Variants in CHN1 observed in about 807,000 individuals in gnomAD.
The protein encoded by CHN1 is N-chimaerin.
Under a neutral mutation model 59.5 loss-of-function variants are expected in CHN1, and 37 were observed. The observed-to-expected ratio is 0.62, with a 90% CI of 0.48 to 0.82. The LOEUF is 0.82. Ranked by LOEUF, CHN1 falls within the 40% of genes least tolerant of loss-of-function variation. The probability of loss-of-function intolerance (pLI) is 0.00; values close to 1 mark genes in which losing one functional copy is unlikely to be tolerated. For missense variants in CHN1, 469 were observed against 571.0 expected (o/e 0.82, Z 1.82); for synonymous variants, 206 against 200.4 (o/e 1.03, Z -0.24).
At chr2:174,901,249 T>C (rs944283052) in intron 5 of CHN1, among the ~76,000 whole-genome samples, 2 of 152,204 alleles carry the variant, frequency 1.3e-5, no homozygotes, top group Non-Finnish European at 2.9e-5. Context: ...CTCACTGTGC[T>C]CCCGGCCACC....
chr2:174,880,959 T>C (rs931719562), intron 5 of CHN1, among the ~76,000 whole-genome samples: 1 of 151,712 alleles, frequency 6.6e-6, no homozygotes, highest in Non-Finnish European at 1.5e-5. Context: ...GGCAGGAGAA[T>C]TGCTTGAATC....
At chr2:174,835,475 C>T in intron 7 of CHN1, among the ~76,000 whole-genome samples, 1 of 151,924 alleles carries the variant, frequency 6.6e-6, no homozygotes, top group East Asian at 1.9e-4. Context: ...AATAATTGCT[C>T]TGTCTCCTGG....
chr2:174,877,237 T>C (rs1447566691), intron 6 of CHN1, among the ~76,000 whole-genome samples: 1 of 152,116 alleles, frequency 6.6e-6, no homozygotes, highest in African/African-American at 2.4e-5. Flanking sequence ...AAAACTTAAA[T>C]TGTCTTTTAG....
intron 3 of CHN1, chr2:174,921,041 TG>T (rs1165698287): frequency 2.5e-6 from 1 of 407,128 alleles, no homozygotes; most frequent in Admixed American, 2.4e-5. Context: ...ATATGGCCGC[TG>T]ATCTGAGAGG....
intron 1 of CHN1, among the ~76,000 whole-genome samples, chr2:174,995,337 T>C (rs1210483065): frequency 6.6e-6 from 1 of 152,224 alleles, no homozygotes; most frequent in Non-Finnish European, 1.5e-5. Flanking sequence ...TTAAGTTGCA[T>C]GCTATTCTGA....
intron 1 of CHN1, among the ~76,000 whole-genome samples, chr2:174,954,385 C>A (rs1690121784): frequency 6.6e-6 from 1 of 152,074 alleles, no homozygotes; most frequent in Middle Eastern, 3.2e-3. Flanking sequence ...CTGGCTTAGG[C>A]AAAGACTTCA....
At chr2:174,974,466 A>G (rs2105441784) in intron 1 of CHN1, among the ~76,000 whole-genome samples, 1 of 152,290 alleles carries the variant, frequency 6.6e-6, no homozygotes, top group Admixed American at 6.5e-5. Context: ...CAGCAATGAA[A>G]AAACATTTTC....
chr2:174,938,389 T>C (rs923213834), intron 3 of CHN1, among the ~76,000 whole-genome samples: 3 of 152,212 alleles, frequency 2.0e-5, no homozygotes, highest in Non-Finnish European at 4.4e-5. Context: ...ATACAGATAT[T>C]TAACTTAATA....
chr2:174,867,883 T>C (rs2105461214), intron 6 of CHN1, among the ~76,000 whole-genome samples: 1 of 152,302 alleles, frequency 6.6e-6, no homozygotes, highest in East Asian at 1.9e-4. Flanking sequence ...TAGTGTGACC[T>C]GGGTTAATTT....
chr2:174,801,907 A>G (rs1224384429), intron 11 of CHN1, 95 bp from the exon 12 acceptor site: 16 of 939,842 alleles, frequency 1.7e-5, no homozygotes, highest in Non-Finnish European at 2.7e-5. Flanking sequence ...ATGCTCTGAA[A>G]CTGGTAAGAA....
intron 1 of CHN1, among the ~76,000 whole-genome samples, chr2:174,977,525 C>G (rs1399295387): frequency 6.6e-6 from 1 of 152,126 alleles, no homozygotes; most frequent in Non-Finnish European, 1.5e-5. Flanking sequence ...GCCTTTATAC[C>G]TTGTTGAAGA....
At position 174,915,135 on chromosome 2, in the gene CHN1, C is replaced by T; in HGVS notation, c.183G>A (p.Gln61=). Residue 61 remains glutamine, a synonymous_variant, in exon 5 of 13, where the codon CAG becomes CAA. Coordinates refer to ENST00000409900, the MANE Select transcript of CHN1 (RefSeq NM_001822.7). The part of the protein sequence containing the change: ...HGMISREAAD[Q]LLIVAEGSYL... ...AGCTCCCCTCAGCCACAATCAAGAG[C>T]TGGTCGGCTGCTTCTCTGGAGATCA... The T allele has an allele frequency of 6.2e-7, 1 of 1,611,858 alleles. No individual in the cohort carries two copies. The highest frequency in any genetic ancestry group is 8.5e-7 in the Non-Finnish European group (1 of 1,179,044).
chr2:174,981,378 G>A (rs1233957748), intron 1 of CHN1, among the ~76,000 whole-genome samples: 1 of 152,168 alleles, frequency 6.6e-6, no homozygotes, highest in Non-Finnish European at 1.5e-5. Flanking sequence ...TATCATCACA[G>A]AACCATTATC....
chr2:174,974,283 G>A (rs918204905), intron 1 of CHN1, among the ~76,000 whole-genome samples: 1 of 152,118 alleles, frequency 6.6e-6, no homozygotes, highest in Admixed American at 6.5e-5. Context: ...TTTATGTCAC[G>A]CAGCTGTGAA....
At chr2:174,945,070 T>C in intron 2 of CHN1, 127 bp from the exon 3 acceptor site, 1 of 652,412 alleles carries the variant, frequency 1.5e-6, no homozygotes, top group Non-Finnish European at 2.7e-6. Context: ...TACTAAATTG[T>C]GTTATGAACA....
chr2:174,910,731 T>C (rs960890703), intron 5 of CHN1, among the ~76,000 whole-genome samples: 2 of 151,858 alleles, frequency 1.3e-5, no homozygotes, highest in Admixed American at 6.6e-5. Context: ...GTGGTGACAA[T>C]GAGAAAGTAG....
intron 1 of CHN1, among the ~76,000 whole-genome samples, chr2:174,976,293 A>C (rs1213025312): frequency 6.6e-6 from 1 of 151,956 alleles, no homozygotes; most frequent in African/African-American, 2.4e-5. Flanking sequence ...GCTGGAGTGC[A>C]GTGGCACGAT....
At chr2:174,808,726 T>C (rs1342908931) in intron 11 of CHN1, among the ~76,000 whole-genome samples, 179 bp downstream of exon 11, 1 of 152,246 alleles carries the variant, frequency 6.6e-6, no homozygotes, top group Non-Finnish European at 1.5e-5. Flanking sequence ...TCTGATGGTA[T>C]TAAGTCATAA....
At chr2:174,938,724 G>A (rs1268447311) in intron 3 of CHN1, among the ~76,000 whole-genome samples, 1 of 152,130 alleles carries the variant, frequency 6.6e-6, no homozygotes, top group African/African-American at 2.4e-5. Flanking sequence ...CAGACTATAA[G>A]TTGTGAATAA....
Sources: gnomAD v4.1 joint callset for allele counts (sites outside exome capture counted in the v4.1 genomes callset) on GRCh38, gnomAD v4.1.1 for gene constraint, MANE v1.5 for transcripts, NCBI Gene and HGNC (gene_info 2026-07-23, HGNC 2026-07-21) for gene names.